Variants in NENF observed in about 807,000 individuals in gnomAD.
NENF encodes the protein neudesin neurotrophic factor, also known as neudesin.
NENF carries 6 observed loss-of-function variants against 14.8 expected under a neutral mutation model. That is an observed-to-expected ratio of 0.40 (90% CI 0.22 to 0.80). NENF has a LOEUF of 0.80. NENF is among the 30% of genes least tolerant of loss of function. The pLI is 0.34. For synonymous variants in NENF, 76 were observed against 95.1 expected (o/e 0.80, Z 1.17); for missense variants, 184 against 212.7 (o/e 0.87, Z 0.84).
At position 212,433,087 on chromosome 1, in the gene NENF, C is replaced by G. The variant is rs939320999; in HGVS notation, c.144C>G (p.Thr48=). 46 of 1,197,330 alleles carry G rather than the reference C, an allele frequency of 3.8e-5. No homozygotes were observed. The highest frequency in any genetic ancestry group is 4.6e-5 in the Non-Finnish European group (44 of 965,368). The allele number at this position is 1,197,330 out of a possible 1,614,324, so 74.2% of individuals were successfully genotyped here. Residue 48 remains threonine (T), a synonymous_variant, in exon 1 of 4, where the codon ACC becomes ACG. Transcript: ENST00000366988. This position sits in a 1 kb window ranked among gnomAD's most constrained non-coding sequence, Gnocchi z 5.5. ...AERGPPVRLF[T]EEELARYGGE... The stretch of plus-strand genomic sequence containing the variant: ...GGGGGCCCCCAGTGCGGCTTTTCAC[C>G]GAGGAGGAGCTGGCCCGCTATGGCG...
intron 1 of NENF, among the ~76,000 whole-genome samples, chr1:212,441,064 C>T (rs1453147711): frequency 6.6e-6 from 1 of 151,976 alleles, no homozygotes; most frequent in Non-Finnish European, 1.5e-5. Context: ...TCATGCCATC[C>T]TTTTTTGTGT....
At chr1:212,438,392 G>T (rs1281031797) in intron 1 of NENF, among the ~76,000 whole-genome samples, 1 of 152,200 alleles carries the variant, frequency 6.6e-6, no homozygotes, top group East Asian at 1.9e-4. Context: ...CTTAGAATCA[G>T]ACAGGTATGA....
intron 2 of NENF, 87 bp from the exon 3 acceptor site, chr1:212,444,252 G>C: frequency 1.3e-6 from 1 of 768,636 alleles, no homozygotes; most frequent in East Asian, 2.9e-5. Context: ...GATTGGGTGC[G>C]GGCCTTGGGA....
chr1:212,439,686 T>TAA (rs1177363207), intron 1 of NENF, among the ~76,000 whole-genome samples: 2 of 25,542 alleles, frequency 7.8e-5, no homozygotes, highest in Non-Finnish European at 1.6e-4. Flanking sequence ...CTACTAAATA[T>TAA]ACAAAAAAAA....
At chr1:212,445,784 T>C in intron 3 of NENF, 46 bp from the exon 4 acceptor site, 1 of 1,600,292 alleles carries the variant, frequency 6.2e-7, no homozygotes, top group Non-Finnish European at 8.6e-7. Flanking sequence ...CCAAACACTA[T>C]CCACTTAACC....
At chr1:212,437,304 T>A (rs563683954) in intron 1 of NENF, among the ~76,000 whole-genome samples, 1 of 152,324 alleles carries the variant, frequency 6.6e-6, no homozygotes, top group Admixed American at 6.5e-5. Context: ...CATGTTTCAC[T>A]GGAGAAATAC....
At chr1:212,437,526 A>G (rs957345730) in intron 1 of NENF, among the ~76,000 whole-genome samples, 1 of 152,076 alleles carries the variant, frequency 6.6e-6, no homozygotes, top group African/African-American at 2.4e-5. Flanking sequence ...ACTAGATATA[A>G]AAAAACCTTC....
At position 212,442,618 on chromosome 1, in the gene NENF, C is replaced by T. The variant is rs773299463; in HGVS notation, c.231C>T (p.Ser77=). The T allele has an allele frequency of 1.3e-5, 21 of 1,612,806 alleles. No individual in the cohort carries two copies. The African/African-American group carries it at 1.5e-4, about 11-fold the overall frequency. ...AVKGVVFDVT[S]GKEFYGRGAP... ...AGGGAGTGGTGTTTGATGTCACCTC[C>T]GGAAAGGGTAAGTGGTGTGGCATTT... Residue 77 remains serine (S), a synonymous_variant, in exon 2 of 4, where the codon TCC becomes TCT. Transcript: ENST00000366988.
At position 212,433,762 on chromosome 1, in the gene NENF, C is replaced by A. The variant is rs897375910; in HGVS notation, c.177+642C>A. Among the ~76,000 whole-genome samples, 1 of 152,010 alleles carries A rather than the reference C, an allele frequency of 6.6e-6. No homozygotes were observed. Among genetic ancestry groups the A allele is most frequent in the African/African-American group, 2.4e-5 (1 of 41,382 alleles). On this transcript the variant is annotated intron_variant, in intron 1 of 3. Transcript: ENST00000366988. This position sits in a 1 kb window ranked among gnomAD's most constrained non-coding sequence, Gnocchi z 5.5. Reference sequence around the variant, plus strand: ...TAGAGACCCCCCCGCCCACACACACCCACACACGTCAATAGTCTAGAGGCG... The same window carrying A: ...TAGAGACCCCCCCGCCCACACACACACACACACGTCAATAGTCTAGAGGCG...
chr1:212,440,251 C>CAAAAA lies in NENF; in HGVS notation c.178-2303_178-2299dup, dbSNP rs371489983. Among the ~76,000 whole-genome samples, 99 of 87,026 alleles carry CAAAAA rather than the reference C, an allele frequency of 1.1e-3. 5 individuals carry two copies. Among genetic ancestry groups the CAAAAA allele is most frequent in the African/African-American group, 2.7e-3 (60 of 21,978 alleles). 57.1% of individuals were successfully genotyped at this position (87,026 alleles called of 152,430 possible). The stretch of plus-strand genomic sequence containing the variant: ...TGGGTGACAGAGTAAGACTCTGTCT[C>CAAAAA]AAAAAAAAAAAAAAAGGAAAAAGAA... On this transcript the variant is annotated intron_variant, in intron 1 of 3. Transcript: ENST00000366988.
At chr1:212,436,516 G>A (rs1369975499) in intron 1 of NENF, among the ~76,000 whole-genome samples, 2 of 151,996 alleles carry the variant, frequency 1.3e-5, no homozygotes, top group African/African-American at 4.8e-5. Context: ...CACCATCTTG[G>A]CCAGGCTAGT....
intron 1 of NENF, among the ~76,000 whole-genome samples, chr1:212,438,512 C>T (rs1025030344): frequency 6.6e-6 from 1 of 152,066 alleles, no homozygotes; most frequent in Non-Finnish European, 1.5e-5. Flanking sequence ...AACTGCCTTA[C>T]AAGATTATTT....
At chr1:212,443,781 T>C (rs1046376067) in intron 2 of NENF, among the ~76,000 whole-genome samples, 2 of 152,060 alleles carry the variant, frequency 1.3e-5, no homozygotes, top group Non-Finnish European at 2.9e-5. Flanking sequence ...CAGTGGCTTA[T>C]GCTTGTAATC....
chr1:212,434,755 A>G (rs1436615387), intron 1 of NENF: 1 of 152,258 alleles, frequency 6.6e-6, no homozygotes, highest in Non-Finnish European at 1.5e-5. Flanking sequence ...ACAAGAATCT[A>G]AGGAAAGAGA....
chr1:212,445,820 T>C lies in NENF; in HGVS notation c.343-10T>C. On this transcript the variant is annotated splice_polypyrimidine_tract_variant and intron_variant, in intron 3 of 3. Transcript: ENST00000366988. ...CCATCTCCTGTCTTTCTTGGGCTTT[T>C]CTCCCCAAGACGGGTCTCACGGCCA... 1 of 1,613,632 alleles carries C rather than the reference T, an allele frequency of 6.2e-7. No homozygotes were observed. The highest frequency in any genetic ancestry group is 8.5e-7 in the Non-Finnish European group (1 of 1,179,600).
At position 212,446,142 on chromosome 1, in the gene NENF, C is replaced by A. The variant is rs1294949196; in HGVS notation, c.*136C>A. The stretch of plus-strand genomic sequence containing the variant: ...AAAACAGATGCTTACCCTGGAAGAG[C>A]AAATGCCTCCTGTTGTCCTTGGTCA... On this transcript the variant is annotated 3_prime_UTR_variant, in exon 4 of 4. Coordinates refer to ENST00000366988, the MANE Select transcript of NENF (RefSeq NM_013349.5). 8.7e-6 allele frequency: 7 copies of A among 809,244 alleles called. No homozygotes were observed. In the Admixed American group the frequency reaches 1.1e-4, roughly 13 times the overall value. 50.1% of individuals were successfully genotyped at this position (809,244 alleles called of 1,614,324 possible).
At chr1:212,443,091 C>T (rs1662722010) in intron 2 of NENF, among the ~76,000 whole-genome samples, 1 of 152,162 alleles carries the variant, frequency 6.6e-6, no homozygotes, top group African/African-American at 2.4e-5. Flanking sequence ...CAGTGTTTTA[C>T]TTCAGCAGGG....
intron 1 of NENF, among the ~76,000 whole-genome samples, chr1:212,436,555 G>A (rs530482520): frequency 8.5e-5 from 13 of 152,190 alleles, no homozygotes; most frequent in East Asian, 3.9e-4. Context: ...TGATCCACCC[G>A]TCTCAGCCTT....
At chr1:212,444,005 T>G (rs1370522224) in intron 2 of NENF, among the ~76,000 whole-genome samples, 2 of 152,018 alleles carry the variant, frequency 1.3e-5, no homozygotes, top group African/African-American at 4.8e-5. Flanking sequence ...TGAGCCAAGA[T>G]TGTGCCACTG....
Sources: gnomAD v4.1 joint callset for allele counts (sites outside exome capture counted in the v4.1 genomes callset) on GRCh38, gnomAD v4.1.1 for gene constraint, Gnocchi (gnomAD v3.1) non-coding constraint, MANE v1.5 for transcripts, NCBI Gene and HGNC (gene_info 2026-07-23, HGNC 2026-07-21) for gene names.